Variants in SLC25A35 observed in about 807,000 individuals in gnomAD.
SLC25A35 encodes the protein solute carrier family 25 member 35.
SLC25A35 carries 32 observed loss-of-function variants against 30.5 expected under a neutral mutation model. That is an observed-to-expected ratio of 1.05 (90% CI 0.79 to 1.41). The LOEUF (loss-of-function observed/expected upper bound fraction) is 1.41, where lower values mean the gene tolerates loss of function less well. SLC25A35 is among the 40% of genes most tolerant of loss of function. The pLI is 0.00. For synonymous variants in SLC25A35, 142 were observed against 158.1 expected (o/e 0.90, Z 0.77); for missense variants, 369 against 388.0 (o/e 0.95, Z 0.41).
At chr17:8,289,026 G>A (rs1380032341), downstream of SLC25A35, 1 of 1,614,076 alleles carries the variant, frequency 6.2e-7, no homozygotes, top group Non-Finnish European at 8.5e-7. Context: ...CCTGATAGTG[G>A]AACTTCTCGA....
At chr17:8,294,199 A>G (rs1045334644) in intron 1 of SLC25A35, among the ~76,000 whole-genome samples, 26 of 151,966 alleles carry the variant, frequency 1.7e-4, no homozygotes, top group South Asian at 4.1e-4. Context: ...ACAGGTGTGA[A>G]CCACTGCACC....
At chr17:8,288,744 A>C (rs753158585), downstream of SLC25A35, 8 of 1,604,870 alleles carry the variant, frequency 5.0e-6, no homozygotes, top group African/African-American at 4.0e-5. Context: ...CCCAATGTGG[A>C]CTTCTTTTAA....
rs1277709814 is a variant in SLC25A35 at position 8,291,360 on chromosome 17, G to A, written c.567C>T (p.Ser189=). The change falls in exon 3 of 5, where the codon TCC becomes TCT. Residue 189 remains serine (S), a synonymous_variant. Transcript: ENST00000577745. ...CCCACTGGCTCAGGAGGTCCTTGGT[G>A]GATGAGAAGGTGCACAGCTGGGTGG... ...GSSTQLCTFS[S]TKDLLSQWEI... 2.5e-6 allele frequency: 4 copies of A among 1,614,074 alleles called. No homozygotes were observed. Among genetic ancestry groups the A allele is most frequent in the Non-Finnish European group, 3.4e-6 (4 of 1,180,044 alleles).
chr17:8,289,277 G>A, downstream of SLC25A35: 1 of 1,613,842 alleles, frequency 6.2e-7, no homozygotes, highest in Non-Finnish European at 8.5e-7. Context: ...TGAGGATGTT[G>A]GTGGCGTGCA....
intron 2 of SLC25A35, among the ~76,000 whole-genome samples, chr17:8,291,878 C>T (rs368860369): frequency 2.0e-5 from 3 of 151,924 alleles, no homozygotes; most frequent in African/African-American, 4.8e-5. Context: ...GGTGAAACCC[C>T]ATCTCTATTA....
downstream of SLC25A35, chr17:8,289,143 C>T: frequency 1.2e-6 from 2 of 1,601,046 alleles, no homozygotes; most frequent in Non-Finnish European, 1.7e-6. Flanking sequence ...CCGCGGCCGA[C>T]GGTTAATCCG....
Position 8,290,536 on chromosome 17 carries a change from A to T in SLC25A35, c.872T>A (p.Leu291Gln). Residue 291 changes from leucine (L) to glutamine (Q), a missense_variant, in exon 5 of 5, where the codon CTG becomes CAG. Physicochemically the swap from Leu to Gln is moderately radical, Grantham distance 113 (BLOSUM62 -2). Coordinates refer to ENST00000577745, the MANE Select transcript of SLC25A35 (RefSeq NM_001320870.2). Reference sequence around the variant, plus strand: ...AGTGTCTGTGTAGTAGAGGGAGCGCAGCTGGTCCCAGAAGAAGAGGGAGAG... The same window carrying T: ...AGTGTCTGTGTAGTAGAGGGAGCGCTGCTGGTCCCAGAAGAAGAGGGAGAG... ...TILSLFFWDQ[L>Q]RSLYYTDTK The T allele has an allele frequency of 6.5e-7, 1 of 1,536,074 alleles. No homozygotes were observed. Among genetic ancestry groups the T allele is most frequent in the Non-Finnish European group, 8.7e-7 (1 of 1,146,864 alleles).
In SLC25A35 at chr17:8,293,070, C is replaced by G. The variant is rs542799775; in HGVS notation, c.376-482G>C. On this transcript the variant is annotated intron_variant, in intron 1 of 4. Coordinates refer to ENST00000577745, the MANE Select transcript of SLC25A35 (RefSeq NM_001320870.2). Reference sequence around the variant, plus strand: ...GAGACCACTGTCCCTGAAACTCACACCTTGAAATGAGACCAGACTGCCTCT... The same window carrying G: ...GAGACCACTGTCCCTGAAACTCACAGCTTGAAATGAGACCAGACTGCCTCT... Among the ~76,000 whole-genome samples, 3 of 152,312 alleles carry G rather than the reference C, an allele frequency of 2.0e-5. No homozygotes were observed. In the South Asian group the frequency reaches 6.2e-4, roughly 32 times the overall value.
At chr17:8,291,943 G>A (rs1990538292) in intron 2 of SLC25A35, among the ~76,000 whole-genome samples, 1 of 152,064 alleles carries the variant, frequency 6.6e-6, no homozygotes, top group African/African-American at 2.4e-5. Context: ...CAGCACTTTG[G>A]GAGGCCGAGG....
downstream of SLC25A35, chr17:8,289,772 C>G (rs777309036): frequency 1.2e-6 from 2 of 1,613,648 alleles, no homozygotes; most frequent in South Asian, 2.2e-5. Context: ...AAACCTCAGG[C>G]CTGGATGATG....
intron 1 of SLC25A35, 110 bp from the exon 2 acceptor site, chr17:8,292,698 CT>C: frequency 1.1e-6 from 1 of 872,128 alleles, no homozygotes. Flanking sequence ...AATGAATAGC[CT>C]CTTACTCTGA....
downstream of SLC25A35, chr17:8,288,275 C>T: frequency 5.4e-6 from 1 of 183,630 alleles, no homozygotes; most frequent in South Asian, 9.2e-5. Flanking sequence ...CCACCCCGCC[C>T]CATTTCTACA....
rs779576208 is a variant in SLC25A35, at chr17:8,291,417, C to G, written c.510G>C (p.Leu170=). 1 of 1,614,200 alleles carries G rather than the reference C, an allele frequency of 6.2e-7. No individual in the cohort carries two copies. The highest frequency in any genetic ancestry group is 1.7e-5 in the Admixed American group (1 of 60,022). ...HGLVGLWRGA[L]GGLPRVIVGS... is the part of the protein sequence containing the mutation. ...CGACGATAACTCGGGGCAGGCCGCCCAGAGCCCCACGCCATAACCCCACCA... is the reference window on the plus strand; with the variant it reads ...CGACGATAACTCGGGGCAGGCCGCCGAGAGCCCCACGCCATAACCCCACCA... Residue 170 remains leucine (L), a synonymous_variant, in exon 3 of 5, where the codon CTG becomes CTC. Coordinates refer to ENST00000577745, the MANE Select transcript of SLC25A35 (RefSeq NM_001320870.2).
At position 8,290,106 on chromosome 17, in the gene SLC25A35, G is replaced by T. The variant is rs1990367427; in HGVS notation, c.*399C>A. On this transcript the variant is annotated 3_prime_UTR_variant, in exon 5 of 5. Coordinates refer to ENST00000577745, the MANE Select transcript of SLC25A35 (RefSeq NM_001320870.2). ...TAATCAATATAATCTCTGTGCCTTT[G>T]AATCTAACAGGACACCTGGGTCCCA... 6.7e-7 allele frequency: 1 copy of T among 1,496,736 alleles called. No individual in the cohort carries two copies. Among genetic ancestry groups the T allele is most frequent in the Admixed American group, 2.4e-5 (1 of 41,608 alleles). The allele number at this position is 1,496,736 out of a possible 1,614,324, so 92.7% of individuals were successfully genotyped here. A position where few individuals can be genotyped will look rare whatever the true frequency, so the allele number is the denominator to read the frequency against.
At chr17:8,293,301 C>T (rs1407618371) in intron 1 of SLC25A35, among the ~76,000 whole-genome samples, 1 of 152,088 alleles carries the variant, frequency 6.6e-6, no homozygotes, top group Non-Finnish European at 1.5e-5. Context: ...CTTCCTGATC[C>T]CTAGACTCTC....
At position 8,290,405 on chromosome 17, in the gene SLC25A35, G is replaced by A. The variant is rs759334504; in HGVS notation, c.*100C>T. On this transcript the variant is annotated 3_prime_UTR_variant, in exon 5 of 5. Transcript: ENST00000577745. ...GGAGTGGGGTTGGCTGTCCCCCATG[G>A]ATGGATGAAAGGTCACCTAATCAGT... 1.8e-5 allele frequency: 26 copies of A among 1,479,168 alleles called. No individual in the cohort carries two copies. Among genetic ancestry groups the A allele is most frequent in the Non-Finnish European group, 2.3e-5 (26 of 1,117,034 alleles). The allele number at this position is 1,479,168 out of a possible 1,614,324, so 91.6% of individuals were successfully genotyped here.
chr17:8,290,713 A>G, intron 4 of SLC25A35, 35 bp from the exon 5 acceptor site: 10 of 1,601,334 alleles, frequency 6.2e-6, no homozygotes, highest in Non-Finnish European at 8.5e-6. Context: ...GAGAGCACAG[A>G]GAAGGAGTTT....
At position 8,294,834 on chromosome 17, in the gene SLC25A35, C is replaced by T. The variant is rs1377919879; in HGVS notation, c.-27G>A. On this transcript the variant is annotated 5_prime_UTR_variant, in exon 1 of 5. Coordinates refer to ENST00000577745, the MANE Select transcript of SLC25A35 (RefSeq NM_001320870.2). The stretch of plus-strand genomic sequence containing the variant: ...GTGGGATAGCTGTAGCAGGAACTGA[C>T]CCAAGAGTAAGAAAGTAAAAATGGG... 3.9e-6 allele frequency: 6 copies of T among 1,534,462 alleles called. No individual in the cohort carries two copies. The highest frequency in any genetic ancestry group is 8.8e-7 in the Non-Finnish European group (1 of 1,141,306).
Position 8,292,139 on chromosome 17 carries a change from G to A in SLC25A35, c.441+384C>T, listed in dbSNP as rs1271863970. On this transcript the variant is annotated intron_variant, in intron 2 of 4. Transcript: ENST00000577745. ...GGAGGTTGCAGTGAGCCAAGACTGC[G>A]CCACTGCACTCCAGCCTGGGCAACA... is the stretch of plus-strand genomic sequence containing the variant. 2.0e-5 allele frequency among the ~76,000 whole-genome samples: 3 copies of A among 152,094 alleles called. No homozygotes were observed. In the East Asian group the frequency reaches 5.8e-4, roughly 29 times the overall value.
Sources: allele counts gnomAD v4.1 joint callset (sites outside exome capture counted in the v4.1 genomes callset), GRCh38; gene constraint gnomAD v4.1.1; transcripts MANE v1.5; gene names NCBI Gene and HGNC (gene_info 2026-07-23, HGNC 2026-07-21).